PTH1R: variants seen among roughly 807,000 people sequenced by gnomAD.
The protein encoded by PTH1R is parathyroid hormone/parathyroid hormone-related peptide receptor.
In PTH1R, 32 loss-of-function variants were observed where a neutral mutation model predicts 70.7. That is an observed-to-expected ratio of 0.45 (90% confidence interval 0.34 to 0.61). PTH1R has a LOEUF of 0.61. PTH1R is among the 20% of genes least tolerant of loss of function. PTH1R has a pLI of 0.01. For missense variants in PTH1R, 626 were observed against 792.5 expected (o/e 0.79, Z 2.52); for synonymous variants, 329 against 324.8 (o/e 1.01, Z -0.14).
chr3:46,892,756 C>A lies in PTH1R; in HGVS notation c.76-1151C>A. The A allele has an allele frequency of 1.0e-6, 1 of 985,754 alleles. No individual in the cohort carries two copies. Among genetic ancestry groups the A allele is most frequent in the Non-Finnish European group, 1.2e-6 (1 of 830,144 alleles). The allele number at this position is 985,754 out of a possible 1,614,324, so 61.1% of individuals were successfully genotyped here. A position where few individuals can be genotyped will look rare whatever the true frequency, so the allele number is the denominator to read the frequency against. On this transcript the variant is annotated intron_variant, in intron 3 of 15. Coordinates refer to ENST00000449590, the MANE Select transcript of PTH1R (RefSeq NM_000316.3). The surrounding 1 kb of genome is among the most constrained non-coding windows in gnomAD (Gnocchi z 5.2). ...CTCGGACTGCAGGGCCCCGGCCCCG[C>A]CTTGGCGCGTCTGAAGGATGCAGCT...
At position 46,903,504 on chromosome 3, in the gene PTH1R, GCCCTGGAGA is replaced by G; in HGVS notation, c.1635_1643del (p.Leu548_Thr550del). 2 of 1,613,908 alleles carry G rather than the reference GCCCTGGAGA, an allele frequency of 1.2e-6. No homozygotes were observed. The highest frequency in any genetic ancestry group is 1.7e-6 in the Non-Finnish European group (2 of 1,180,020). ...TGGCCATGCCAAGCCAGGGACCCCA[GCCCTGGAGA>G]CCCTCGAGACCACACCACCTGCCAT... On this transcript the variant is annotated inframe_deletion, in exon 16 of 16. Coordinates refer to ENST00000449590, the MANE Select transcript of PTH1R (RefSeq NM_000316.3). This position sits in a 1 kb window ranked among gnomAD's most constrained non-coding sequence, Gnocchi z 4.4.
chr3:46,883,719 A>C lies in PTH1R; in HGVS notation c.75+85A>C. On this transcript the variant is annotated intron_variant, in intron 3 of 15. Coordinates refer to ENST00000449590, the MANE Select transcript of PTH1R (RefSeq NM_000316.3). This position sits in a 1 kb window ranked among gnomAD's most constrained non-coding sequence, Gnocchi z 6.4. ...GATAGGTCTAAGGCACGCAGTCTTG[A>C]GTTCCCCCAGTAGTTCGAACTTTGG... 6.8e-7 allele frequency: 1 copy of C among 1,470,394 alleles called. No individual in the cohort carries two copies. Among genetic ancestry groups the C allele is most frequent in the Non-Finnish European group, 9.2e-7 (1 of 1,084,402 alleles). 91.1% of individuals were successfully genotyped at this position (1,470,394 alleles called of 1,614,324 possible).
Position 46,902,429 on chromosome 3 carries a change from G to T in PTH1R, c.1212-97G>T. ...GGTGACTGGAGCCCTGGGCCCCTTT[G>T]AGCTTCCGGAGCCTGGGGCTCGCAG... On this transcript the variant is annotated intron_variant, in intron 13 of 15. Transcript: ENST00000449590. This position sits in a 1 kb window ranked among gnomAD's most constrained non-coding sequence, Gnocchi z 5.4. The T allele has an allele frequency of 6.5e-7, 1 of 1,527,036 alleles. No individual in the cohort carries two copies. Among genetic ancestry groups the T allele is most frequent in the South Asian group, 1.2e-5 (1 of 83,738 alleles). 94.6% of individuals were successfully genotyped at this position (1,527,036 alleles called of 1,614,324 possible). A position where few individuals can be genotyped will look rare whatever the true frequency, so the allele number is the denominator to read the frequency against.
Position 46,903,214 on chromosome 3 carries a change from G to T in PTH1R, c.1396-56G>T. 1 of 1,605,460 alleles carries T rather than the reference G, an allele frequency of 6.2e-7. No homozygotes were observed. The highest frequency in any genetic ancestry group is 1.1e-5 in the South Asian group (1 of 89,814). On this transcript the variant is annotated intron_variant, in intron 15 of 15. Transcript: ENST00000449590. The surrounding 1 kb of genome is among the most constrained non-coding windows in gnomAD (Gnocchi z 4.4). ...GTGCTGGGTGTCCAGGGGCCGGGAT[G>T]GGGCATCGCTGGGGTTGGGAGACAC...
At chr3:46,878,219 G>T (rs1407798727) in intron 1 of PTH1R, among the ~76,000 whole-genome samples, 1 of 152,242 alleles carries the variant, frequency 6.6e-6, no homozygotes, top group African/African-American at 2.4e-5. Flanking sequence ...GGAGCCTCCA[G>T]CGACTCAGCT....
At chr3:46,899,173 C>T in intron 9 of PTH1R, 130 bp from the exon 10 acceptor site, 6 of 1,273,352 alleles carry the variant, frequency 4.7e-6, no homozygotes, top group Non-Finnish European at 5.6e-6. Context: ...GCCCCCCAAA[C>T]GAAGCCTGCC....
In PTH1R at chr3:46,883,088, G is replaced by T. The variant is rs1288580343; in HGVS notation, c.-48-424G>T. Reference sequence around the variant, plus strand: ...AGACCGCGACCCCGACCCCTCCCCCGCCCCCTCCCCCCACTGGGCGTGGGG... The same window carrying T: ...AGACCGCGACCCCGACCCCTCCCCCTCCCCCTCCCCCCACTGGGCGTGGGG... On this transcript the variant is annotated intron_variant, in intron 2 of 15. Coordinates refer to ENST00000449590, the MANE Select transcript of PTH1R (RefSeq NM_000316.3). The surrounding 1 kb of genome is among the most constrained non-coding windows in gnomAD (Gnocchi z 6.4). Among the ~76,000 whole-genome samples the T allele has an allele frequency of 2.0e-5, 3 of 148,744 alleles. No homozygotes were observed. The highest frequency in any genetic ancestry group is 4.3e-4 in the South Asian group (2 of 4,682).
In PTH1R at chr3:46,883,514, C is replaced by T; in HGVS notation, c.-46C>T. The T allele has an allele frequency of 6.9e-7, 1 of 1,459,012 alleles. No individual in the cohort carries two copies. Among genetic ancestry groups the T allele is most frequent in the Non-Finnish European group, 9.0e-7 (1 of 1,109,094 alleles). 90.4% of individuals were successfully genotyped at this position (1,459,012 alleles called of 1,614,324 possible). A position where few individuals can be genotyped will look rare whatever the true frequency, so the allele number is the denominator to read the frequency against. The stretch of plus-strand genomic sequence containing the variant: ...TCTGCACCCCCTACCACCACCAGGG[C>T]CGGCGGCGGCGGCTGCCCCGAGGGA... On this transcript the variant is annotated splice_region_variant and 5_prime_UTR_variant, in exon 3 of 16. Coordinates refer to ENST00000449590, the MANE Select transcript of PTH1R (RefSeq NM_000316.3). The surrounding 1 kb of genome is among the most constrained non-coding windows in gnomAD (Gnocchi z 6.4).
intron 3 of PTH1R, among the ~76,000 whole-genome samples, chr3:46,888,068 C>T (rs1212931037): frequency 6.6e-6 from 1 of 152,198 alleles, no homozygotes; most frequent in Non-Finnish European, 1.5e-5. Context: ...ACTTATACAA[C>T]ACCAAGACCA....
In PTH1R at chr3:46,893,564, GATCCATCC is replaced by G. The variant is rs965017887; in HGVS notation, c.76-342_76-335del. The stretch of plus-strand genomic sequence containing the variant: ...CAGCAGGCAGCCAGGATCCTGTGTG[GATCCATCC>G]TGGGACATTCCATTCCAGTCCCATG... On this transcript the variant is annotated intron_variant, in intron 3 of 15. Coordinates refer to ENST00000449590, the MANE Select transcript of PTH1R (RefSeq NM_000316.3). The surrounding 1 kb of genome is among the most constrained non-coding windows in gnomAD (Gnocchi z 5.2). 1.3e-4 allele frequency among the ~76,000 whole-genome samples: 20 copies of G among 151,856 alleles called. No individual in the cohort carries two copies. Among genetic ancestry groups the G allele is most frequent in the Non-Finnish European group, 2.8e-4 (19 of 67,866 alleles).
chr3:46,887,493 A>C (rs1209822972), intron 3 of PTH1R, among the ~76,000 whole-genome samples: 1 of 151,050 alleles, frequency 6.6e-6, no homozygotes, highest in Non-Finnish European at 1.5e-5. Flanking sequence ...AGAGTCAATC[A>C]ATAAAAATTA....
chr3:46,895,951 C>A, intron 5 of PTH1R, 82 bp downstream of exon 5: 1 of 1,520,124 alleles, frequency 6.6e-7, no homozygotes, highest in South Asian at 1.2e-5. Context: ...GATGTGAGCT[C>A]ATGCTTCTTG....
rs41290652 is a variant in PTH1R at position 46,900,806 on chromosome 3, G to C, written c.989-219G>C. On this transcript the variant is annotated intron_variant, in intron 10 of 15. Coordinates refer to ENST00000449590, the MANE Select transcript of PTH1R (RefSeq NM_000316.3). ...TGCATATGACATGGAGCCAAGATGA[G>C]GGCAGAGGCTGAGCTGGGTTTTGAG... 8.8e-3 allele frequency among the ~76,000 whole-genome samples: 1,342 copies of C among 152,260 alleles called. 12 individuals carry two copies. The highest frequency in any genetic ancestry group is 0.014 in the Non-Finnish European group (924 of 68,006).
At position 46,879,091 on chromosome 3, in the gene PTH1R, G is replaced by A. The variant is rs1575503792; in HGVS notation, c.-106+1248G>A. Among the ~76,000 whole-genome samples, 1 of 152,170 alleles carries A rather than the reference G, an allele frequency of 6.6e-6. No individual in the cohort carries two copies. Among genetic ancestry groups the A allele is most frequent in the Non-Finnish European group, 1.5e-5 (1 of 68,026 alleles). ...ATGGTAGCACTTTAACCAGAGGCCC[G>A]AGGGTGAGAGAGATGATCTGTGGCC... On this transcript the variant is annotated intron_variant, in intron 1 of 15. Transcript: ENST00000449590. The surrounding 1 kb of genome is among the most constrained non-coding windows in gnomAD (Gnocchi z 4.7).
chr3:46,903,596 G>A lies in PTH1R; in HGVS notation c.1722G>A (p.Glu574=), dbSNP rs1209582893. The A allele has an allele frequency of 1.2e-6, 2 of 1,613,424 alleles. No individual in the cohort carries two copies. Among genetic ancestry groups the A allele is most frequent in the Admixed American group, 1.7e-5 (1 of 60,014 alleles). ...LNGSCSGLDE[E]ASGPERPPAL... is the part of the protein sequence containing the mutation. ...GCTCCTGCTCAGGCCTGGACGAGGA[G>A]GCCTCTGGGCCTGAGCGGCCACCTG... is the stretch of plus-strand genomic sequence containing the variant. The change falls in exon 16 of 16, where the codon GAG becomes GAA. Residue 574 remains glutamate, a synonymous_variant. Transcript: ENST00000449590. The surrounding 1 kb of genome is among the most constrained non-coding windows in gnomAD (Gnocchi z 4.4).
chr3:46,899,290 G>A lies in PTH1R; in HGVS notation c.835-13G>A. 6.2e-7 allele frequency: 1 copy of A among 1,613,860 alleles called. No homozygotes were observed. Among genetic ancestry groups the A allele is most frequent in the Admixed American group, 1.7e-5 (1 of 60,024 alleles). The stretch of plus-strand genomic sequence containing the variant: ...AGGCCCTGCCCTCTGACTAACACCA[G>A]CTGGTCTCTTAGGCGGGCTGCAGGG... On this transcript the variant is annotated splice_polypyrimidine_tract_variant and intron_variant, in intron 9 of 15. Transcript: ENST00000449590.
chr3:46,900,275 TG>T (rs779915991), intron 10 of PTH1R, among the ~76,000 whole-genome samples: 62 of 152,272 alleles, frequency 4.1e-4, no homozygotes, highest in Non-Finnish European at 6.9e-4. Context: ...ATGCAGGCTC[TG>T]GGGCTAGGAG....
At position 46,882,316 on chromosome 3, in the gene PTH1R, G is replaced by A. The variant is rs951005330; in HGVS notation, c.-48-1196G>A. The stretch of plus-strand genomic sequence containing the variant: ...TGGCTCCGAGCGGCGGCCGGGCGGG[G>A]GGCGCTGGAGGCCAGGCCGGCCAGC... On this transcript the variant is annotated intron_variant, in intron 2 of 15. Transcript: ENST00000449590. This position sits in a 1 kb window ranked among gnomAD's most constrained non-coding sequence, Gnocchi z 4.3. 6.6e-6 allele frequency: 1 copy of A among 151,948 alleles called. No individual in the cohort carries two copies. The allele number at this position is 151,948 out of a possible 1,614,324, so 9.4% of individuals were successfully genotyped here.
chr3:46,901,936 C>T lies in PTH1R; in HGVS notation c.1211+76C>T, dbSNP rs1163135747. 5.0e-6 allele frequency: 7 copies of T among 1,405,044 alleles called. No homozygotes were observed. The highest frequency in any genetic ancestry group is 1.7e-5 in the Admixed American group (1 of 57,152). 87.0% of individuals were successfully genotyped at this position (1,405,044 alleles called of 1,614,324 possible). ...CTGGTACCATGTACCCCAGGAAAGACAGTGGCCCCATGAATGATCCTGGGG... is the reference window on the plus strand; with the variant it reads ...CTGGTACCATGTACCCCAGGAAAGATAGTGGCCCCATGAATGATCCTGGGG... On this transcript the variant is annotated intron_variant, in intron 13 of 15. Coordinates refer to ENST00000449590, the MANE Select transcript of PTH1R (RefSeq NM_000316.3). This position sits in a 1 kb window ranked among gnomAD's most constrained non-coding sequence, Gnocchi z 7.3.
Sources: gnomAD v4.1 joint callset for allele counts (sites outside exome capture counted in the v4.1 genomes callset) on GRCh38, gnomAD v4.1.1 for gene constraint, Gnocchi (gnomAD v3.1) non-coding constraint, MANE v1.5 for transcripts, NCBI Gene and HGNC (gene_info 2026-07-23, HGNC 2026-07-21) for gene names.